FEM1C: variants seen among roughly 807,000 people sequenced by gnomAD.
FEM1C encodes the protein protein fem-1 homolog C.
A neutral mutation model predicts 37.6 loss-of-function variants in FEM1C; 15 were observed. The observed-to-expected ratio is 0.40, with a 90% CI of 0.27 to 0.61. The LOEUF is 0.61. Ranked by LOEUF, FEM1C falls within the 20% of genes least tolerant of loss-of-function variation. The probability of loss-of-function intolerance (pLI) is 0.42; values close to 1 mark genes in which losing one functional copy is unlikely to be tolerated. For synonymous variants in FEM1C, 287 were observed against 272.8 expected, an observed-to-expected ratio of 1.05 and a Z score of -0.51; for missense variants, 532 against 749.7, an observed-to-expected ratio of 0.71 and a Z score of 3.39.
chr5:115,527,414 ATTTCAATGG>A (rs1753917500), intron 2 of FEM1C, among the ~76,000 whole-genome samples: 1 of 152,184 alleles, frequency 6.6e-6, no homozygotes, highest in Non-Finnish European at 1.5e-5. Flanking sequence ...CTGACCCAAG[ATTTCAATGG>A]TCTACAATGA....
At chr5:115,543,942 G>A in intron 1 of FEM1C, 3 of 985,246 alleles carry the variant, frequency 3.0e-6, no homozygotes, top group Non-Finnish European at 3.6e-6. Context: ...CCGTTTTCTC[G>A]CCTCCAGCTC....
In FEM1C at chr5:115,525,324, T is replaced by C. The variant is rs1458130764; in HGVS notation, c.838A>G (p.Arg280Gly). 6.2e-7 allele frequency: 1 copy of C among 1,613,644 alleles called. No individual in the cohort carries two copies. Among genetic ancestry groups the C allele is most frequent in the African/African-American group, 1.3e-5 (1 of 74,902 alleles). The part of the protein sequence containing the change: ...KKAMNMRYSD[R>G]TNIISKPVPQ... ...ACTGGTTTACTAATAATATTAGTCC[T>C]ATCACTGTACCTCATGTTCATTGCC... The change falls in exon 3 of 3, where the codon AGG (arginine) becomes GGG (glycine). Residue 280 changes from arginine to glycine, a missense_variant. Arg to Gly is a moderately radical substitution (Grantham distance 125). Transcript: ENST00000274457.
chr5:115,524,717 T>A lies in FEM1C; in HGVS notation c.1445A>T (p.Asn482Ile). The A allele has an allele frequency of 6.5e-7, 1 of 1,541,942 alleles. No individual in the cohort carries two copies. Among genetic ancestry groups the A allele is most frequent in the Non-Finnish European group, 8.7e-7 (1 of 1,148,824 alleles). Residue 482 changes from asparagine (N) to isoleucine (I), a missense_variant, in exon 3 of 3, where the codon AAC becomes ATC. Asn to Ile is a moderately radical substitution (Grantham distance 149). This residue lies in a region of FEM1C where 237 missense variants were observed against 260.5 expected (regional missense o/e 0.91). Transcript: ENST00000274457. ...FLKLHPRGKN[N>I]FSPLHLAVDK... ...CACAGCCAGATGAAGAGGGCTGAAG[T>A]TATTCTTTCCCCTTGGATGCAGCTT...
chr5:115,531,027 C>A (rs1001247088), intron 2 of FEM1C, among the ~76,000 whole-genome samples: 7 of 151,766 alleles, frequency 4.6e-5, no homozygotes, highest in Non-Finnish European at 1.0e-4. Flanking sequence ...TTAACTGTTG[C>A]CCCCTTTTAA....
intron 2 of FEM1C, among the ~76,000 whole-genome samples, chr5:115,532,894 TG>T (rs1462458331): frequency 6.6e-6 from 1 of 152,050 alleles, no homozygotes; most frequent in African/African-American, 2.4e-5. Context: ...GAGCAGTGAT[TG>T]GCAAGGGCTG....
Position 115,543,061 on chromosome 5 carries a change from A to C in FEM1C, c.433T>G (p.Ser145Ala), listed in dbSNP as rs1754274067. ...AAGCACGTATGCCCATGTCGGTTTG[A>C]CACTTCCAAATCAGCTTTGTGTTCT... is the stretch of plus-strand genomic sequence containing the variant. ...LVEHKADLEVSNRHGHTCLMI... is the reference protein window; with the variant it reads ...LVEHKADLEVANRHGHTCLMI... The change falls in exon 2 of 3, where the codon TCA (serine) becomes GCA (alanine). Residue 145 changes from serine to alanine, a missense_variant. By Grantham distance (99) the Ser-to-Ala change is moderately conservative (BLOSUM62 1). Coordinates refer to ENST00000274457, the MANE Select transcript of FEM1C (RefSeq NM_020177.3). 6.2e-7 allele frequency: 1 copy of C among 1,614,104 alleles called. No individual in the cohort carries two copies. The highest frequency in any genetic ancestry group is 8.5e-7 in the Non-Finnish European group (1 of 1,180,032).
Position 115,524,469 on chromosome 5 carries a change from T to A in FEM1C, c.1693A>T (p.Ser565Cys), listed in dbSNP as rs760951465. ...ATTTCCTTCTCATCCAGCAAGTCACTAGCAGTTTGTTTGTGCAAGTTTGTG... is the reference window on the plus strand; with the variant it reads ...ATTTCCTTCTCATCCAGCAAGTCACAAGCAGTTTGTTTGTGCAAGTTTGTG... ...DATNLHKQTA[S>C]DLLDEKEIAK... is the part of the protein sequence containing the mutation. Residue 565 changes from serine to cysteine, a missense_variant, in exon 3 of 3, where the codon AGT becomes TGT. Transcript: ENST00000274457. 3.7e-6 allele frequency: 6 copies of A among 1,613,140 alleles called. No individual in the cohort carries two copies. Among genetic ancestry groups the A allele is most frequent in the Non-Finnish European group, 5.1e-6 (6 of 1,179,526 alleles).
chr5:115,524,602 A>G lies in FEM1C; in HGVS notation c.1560T>C (p.Asp520=), dbSNP rs764455988. 7.5e-6 allele frequency: 12 copies of G among 1,610,050 alleles called. No homozygotes were observed. In the Admixed American group the frequency reaches 1.9e-4, roughly 25 times the overall value. The change falls in exon 3 of 3, where the codon GAT becomes GAC. Residue 520 remains aspartate, a synonymous_variant. Coordinates refer to ENST00000274457, the MANE Select transcript of FEM1C (RefSeq NM_020177.3). ...VTAILIECGA[D]VNVRDSDDNS... ...TGTCATCCGAGTCTCTGACGTTCAC[A>G]TCAGCACCACATTCTATCAGTATTG...
chr5:115,531,619 C>A (rs534414430), intron 2 of FEM1C, among the ~76,000 whole-genome samples: 1 of 152,160 alleles, frequency 6.6e-6, no homozygotes, highest in African/African-American at 2.4e-5. Context: ...TCTGTTGTAA[C>A]CACTAAACTC....
chr5:115,541,253 T>C (rs1257574927), intron 2 of FEM1C, among the ~76,000 whole-genome samples: 1 of 152,082 alleles, frequency 6.6e-6, no homozygotes, highest in Non-Finnish European at 1.5e-5. Context: ...TGCATACATA[T>C]ATCAGTATGC....
chr5:115,525,102 A>G lies in FEM1C; in HGVS notation c.1060T>C (p.Phe354Leu). The G allele has an allele frequency of 6.2e-7, 1 of 1,613,836 alleles. No individual in the cohort carries two copies. Among genetic ancestry groups the G allele is most frequent in the Non-Finnish European group, 8.5e-7 (1 of 1,179,846 alleles). ...TTCCATAGGTTGATGCATCGTTTGA[A>G]ATTTCCAGAGTCTGCATAGACAGCG... ...RGAVYADSGNFKRCINLWKYA... is the reference protein window; with the variant it reads ...RGAVYADSGNLKRCINLWKYA... Residue 354 changes from phenylalanine to leucine, a missense_variant, in exon 3 of 3, where the codon TTC becomes CTC. This residue lies in a region of FEM1C where 221 missense variants were observed against 404.1 expected (regional missense o/e 0.55). Coordinates refer to ENST00000274457, the MANE Select transcript of FEM1C (RefSeq NM_020177.3).
In FEM1C at chr5:115,524,302, A is replaced by G. The variant is rs1171430210; in HGVS notation, c.*6T>C. ...GCTTTAACAGTGCTAAAATACAGTC[A>G]AGTTATCATCTATGAAGGGAAACAA... On this transcript the variant is annotated 3_prime_UTR_variant, in exon 3 of 3. Coordinates refer to ENST00000274457, the MANE Select transcript of FEM1C (RefSeq NM_020177.3). 1.2e-6 allele frequency: 2 copies of G among 1,611,266 alleles called. No individual in the cohort carries two copies. The highest frequency in any genetic ancestry group is 2.2e-5 in the South Asian group (2 of 90,956).
chr5:115,535,613 G>A (rs1465601682), intron 2 of FEM1C, among the ~76,000 whole-genome samples: 2 of 151,978 alleles, frequency 1.3e-5, no homozygotes, highest in African/African-American at 4.8e-5. Flanking sequence ...AAGTGTTGGA[G>A]AGGGTGTGGA....
intron 2 of FEM1C, among the ~76,000 whole-genome samples, chr5:115,534,204 A>G (rs1349493055): frequency 1.3e-5 from 2 of 151,974 alleles, no homozygotes; most frequent in African/African-American, 4.8e-5. Context: ...AACTATGGTA[A>G]GTGCTCGTGC....
chr5:115,538,108 CT>C (rs1384015428), intron 2 of FEM1C, among the ~76,000 whole-genome samples: 3 of 151,704 alleles, frequency 2.0e-5, no homozygotes, highest in South Asian at 2.1e-4. Context: ...AAAGTAGAAA[CT>C]TTTTTTTAAA....
intron 2 of FEM1C, among the ~76,000 whole-genome samples, chr5:115,539,282 G>GTTA (rs1754192214): frequency 6.6e-6 from 1 of 151,982 alleles, no homozygotes; most frequent in Admixed American, 6.6e-5. Context: ...GTGTAAAAGT[G>GTTA]GAATTGAAGA....
intron 2 of FEM1C, among the ~76,000 whole-genome samples, chr5:115,534,851 C>A (rs1205536396): frequency 6.6e-6 from 1 of 151,864 alleles, no homozygotes; most frequent in Non-Finnish European, 1.5e-5. Context: ...CCAAGTGATA[C>A]CTACGCTGCT....
At position 115,525,541 on chromosome 5, in the gene FEM1C, C is replaced by A. The variant is rs770935968; in HGVS notation, c.621G>T (p.Lys207Asn). Reference sequence around the variant, plus strand: ...TCATTCCATAACCATCCTTTTCCATCTTGGCACAATACATAAGAAGCATCT... The same window carrying A: ...TCATTCCATAACCATCCTTTTCCATATTGGCACAATACATAAGAAGCATCT... The part of the protein sequence containing the change: ...IMKMLLMYCA[K>N]MEKDGYGMTP... The change falls in exon 3 of 3, where the codon AAG becomes AAT. Residue 207 changes from lysine to asparagine, a missense_variant. Lys to Asn is a moderately conservative substitution (Grantham distance 94). Coordinates refer to ENST00000274457, the MANE Select transcript of FEM1C (RefSeq NM_020177.3). The A allele has an allele frequency of 2.0e-5, 33 of 1,613,664 alleles. No individual in the cohort carries two copies. Among genetic ancestry groups the A allele is most frequent in the Non-Finnish European group, 2.8e-5 (33 of 1,179,774 alleles).
At position 115,523,690 on chromosome 5, in the gene FEM1C, C is replaced by A. The variant is rs1052713493; in HGVS notation, c.*618G>T. 2 of 152,454 alleles carry A rather than the reference C, an allele frequency of 1.3e-5. No homozygotes were observed. The highest frequency in any genetic ancestry group is 4.8e-5 in the African/African-American group (2 of 41,420). The allele number at this position is 152,454 out of a possible 1,614,324, so 9.4% of individuals were successfully genotyped here. On this transcript the variant is annotated 3_prime_UTR_variant, in exon 3 of 3. Transcript: ENST00000274457. ...TTCAAAAAATTAAGTTTGTAACAAA[C>A]ATAAGAAAACAGTGTTTTGAGTTGA...
Sources: allele counts gnomAD v4.1 joint callset (sites outside exome capture counted in the v4.1 genomes callset), GRCh38; gene constraint gnomAD v4.1.1; regional missense constraint gnomAD v4.1.1; transcripts MANE v1.5; gene names NCBI Gene and HGNC (gene_info 2026-07-23, HGNC 2026-07-21).